The following CELF2 variants were observed in gnomAD, a reference collection of about 807,000 sequenced individuals.
The protein encoded by CELF2 is CUGBP Elav-like family member 2.
Under a neutral mutation model 62.6 loss-of-function variants are expected in CELF2, and 8 were observed. The observed-to-expected ratio is 0.13, with a 90% CI of 0.07 to 0.23. The LOEUF (loss-of-function observed/expected upper bound fraction) is 0.23, where lower values mean the gene tolerates loss of function less well. Among genes scored for constraint, CELF2 ranks in the 10% least tolerant of loss-of-function variants. The pLI, the probability that CELF2 is intolerant of heterozygous loss-of-function variation, is 1.00. For synonymous variants in CELF2, 258 were observed against 250.0 expected (o/e 1.03, Z -0.30); for missense variants, 333 against 671.0 (o/e 0.50, Z 5.56).
chr10:11,325,817 C>CTT lies in CELF2; in HGVS notation c.1295-11_1295-10dup. On this transcript the variant is annotated intron_variant, in intron 11 of 12. Transcript: ENST00000633077. Reference sequence around the variant, plus strand: ...AGACTCAAGGGATACCTTACTCTGACTTTTTTTTTCCTCCTTAGGTCCAGA... The same window carrying CTT: ...AGACTCAAGGGATACCTTACTCTGACTTTTTTTTTTTCCTCCTTAGGTCCAGA... 6.3e-7 allele frequency: 1 copy of CTT among 1,590,374 alleles called. No individual in the cohort carries two copies.
At chr10:10,689,793 A>C in the CELF2 span, among the ~76,000 whole-genome samples, 1 of 152,236 alleles carries the variant, frequency 6.6e-6, no homozygotes, top group Non-Finnish European at 1.5e-5. Flanking sequence ...TTCATTTCAC[A>C]TTATGCAACA....
At chr10:10,840,988 A>G (rs2058644260) in intron 1 of CELF2, among the ~76,000 whole-genome samples, 1 of 152,186 alleles carries the variant, frequency 6.6e-6, no homozygotes, top group Non-Finnish European at 1.5e-5. Context: ...GATGGCTTCC[A>G]GCTTCATCCA....
intron 2 of CELF2, among the ~76,000 whole-genome samples, chr10:10,999,977 T>G (rs1370978131): frequency 6.6e-6 from 1 of 152,222 alleles, no homozygotes; most frequent in African/African-American, 2.4e-5. Flanking sequence ...AGAATAAACT[T>G]GGTCCATTTT....
the CELF2 span, among the ~76,000 whole-genome samples, chr10:10,625,344 G>A: frequency 6.6e-6 from 1 of 152,210 alleles, no homozygotes; most frequent in Admixed American, 6.5e-5. Flanking sequence ...ACTACGGGCA[G>A]CTGCCATTAC....
chr10:10,944,253 A>G (rs1332543616), intron 2 of CELF2: 1 of 152,658 alleles, frequency 6.6e-6, no homozygotes, highest in Non-Finnish European at 1.5e-5. Context: ...GATACCATTG[A>G]GCACCTCTGT....
chr10:10,844,292 C>T (rs1370237595), intron 1 of CELF2, among the ~76,000 whole-genome samples: 1 of 151,984 alleles, frequency 6.6e-6, no homozygotes, highest in Admixed American at 6.6e-5. Flanking sequence ...TCAAAACATT[C>T]AGAACAAGGG....
At chr10:10,504,100 C>T in the CELF2 span, among the ~76,000 whole-genome samples, 1 of 152,036 alleles carries the variant, frequency 6.6e-6, no homozygotes, top group Non-Finnish European at 1.5e-5. Flanking sequence ...ATTTTTGCTT[C>T]AACTGCCCAA....
chr10:10,958,324 AT>A (rs2049116532), intron 2 of CELF2, among the ~76,000 whole-genome samples: 1 of 152,204 alleles, frequency 6.6e-6, no homozygotes, highest in African/African-American at 2.4e-5. Context: ...TGCTTTTAGA[AT>A]GAACCACATT....
chr10:10,909,808 A>C (rs769161317), intron 1 of CELF2, among the ~76,000 whole-genome samples: 19 of 152,226 alleles, frequency 1.2e-4, no homozygotes, highest in Non-Finnish European at 2.5e-4. Context: ...CATTTGTGTA[A>C]GTATTTGTGG....
At chr10:10,757,535 C>CATGT in the CELF2 span, among the ~76,000 whole-genome samples, 7 of 152,192 alleles carry the variant, frequency 4.6e-5, no homozygotes, top group African/African-American at 1.2e-4. Context: ...CATGCACACA[C>CATGT]ATGTATGTAT....
chr10:10,994,079 A>G (rs2053699084), intron 2 of CELF2, among the ~76,000 whole-genome samples: 1 of 152,216 alleles, frequency 6.6e-6, no homozygotes, highest in Non-Finnish European at 1.5e-5. Flanking sequence ...CAGCTGCCCT[A>G]GCTGACTAAC....
chr10:10,474,922 A>G, the CELF2 span, among the ~76,000 whole-genome samples: 1 of 152,034 alleles, frequency 6.6e-6, no homozygotes, highest in African/African-American at 2.4e-5. Flanking sequence ...ATACTTTAGT[A>G]GTAGATCTGA....
At chr10:11,287,514 C>G (rs2091633755) in intron 8 of CELF2, among the ~76,000 whole-genome samples, 1 of 152,196 alleles carries the variant, frequency 6.6e-6, no homozygotes, top group Non-Finnish European at 1.5e-5. Context: ...CTATTTTTTT[C>G]ATAATTTTCA....
At chr10:10,764,536 C>G in the CELF2 span, among the ~76,000 whole-genome samples, 1 of 152,192 alleles carries the variant, frequency 6.6e-6, no homozygotes, top group Non-Finnish European at 1.5e-5. Context: ...GAGCCAAGTT[C>G]TCCAAGAGGA....
chr10:11,211,792 G>C lies in CELF2; in HGVS notation c.272-5633G>C, dbSNP rs1173743686. On this transcript the variant is annotated intron_variant, in intron 2 of 12. Transcript: ENST00000633077. This position sits in a 1 kb window ranked among gnomAD's most constrained non-coding sequence, Gnocchi z 4.8. ...AGTGAGAGTGTGTGTGTATGTGTGT[G>C]AGAGAGAGAGAGAGAGAGAGAGTGT... Among the ~76,000 whole-genome samples the C allele has an allele frequency of 1.0e-5, 1 of 96,246 alleles. No homozygotes were observed. The highest frequency in any genetic ancestry group is 2.3e-5 in the Non-Finnish European group (1 of 44,122). The allele number at this position is 96,246 out of a possible 152,430, so 63.1% of individuals were successfully genotyped here.
chr10:11,139,917 T>C (rs977067419), intron 1 of CELF2, among the ~76,000 whole-genome samples: 3 of 151,944 alleles, frequency 2.0e-5, no homozygotes, highest in African/African-American at 7.3e-5. Context: ...TCTCATCGGC[T>C]CATTTCTCTT....
chr10:10,591,648 G>C, the CELF2 span, among the ~76,000 whole-genome samples: 2 of 152,126 alleles, frequency 1.3e-5, no homozygotes, highest in Admixed American at 6.6e-5. Flanking sequence ...GGTTTGATCT[G>C]TTTCCCTTCT....
chr10:10,695,939 G>A, the CELF2 span, among the ~76,000 whole-genome samples: 1 of 151,178 alleles, frequency 6.6e-6, no homozygotes, highest in Non-Finnish European at 1.5e-5. Flanking sequence ...CAACTTCTTT[G>A]CCTTTGGTTT....
At chr10:10,647,308 C>T in the CELF2 span, among the ~76,000 whole-genome samples, 5 of 152,148 alleles carry the variant, frequency 3.3e-5, no homozygotes, top group Non-Finnish European at 5.9e-5. Context: ...ATTTCCTGTC[C>T]TTTGAACCCA....
Sources: gnomAD v4.1 joint callset for allele counts (sites outside exome capture counted in the v4.1 genomes callset) on GRCh38, gnomAD v4.1.1 for gene constraint, Gnocchi (gnomAD v3.1) non-coding constraint, MANE v1.5 for transcripts, NCBI Gene and HGNC (gene_info 2026-07-23, HGNC 2026-07-21) for gene names.